Variants in COL4A1 observed in about 807,000 individuals in gnomAD.
The protein encoded by COL4A1 is collagen alpha-1(IV) chain.
In COL4A1, 40 loss-of-function variants were observed where a neutral mutation model predicts 216.6. The observed-to-expected ratio is 0.18, with a 90% CI of 0.14 to 0.24. The LOEUF is 0.24. Ranked by LOEUF, COL4A1 falls within the 10% of genes least tolerant of loss-of-function variation. COL4A1 has a pLI of 1.00. For missense variants in COL4A1, 1,628 were observed against 2,196.8 expected, an observed-to-expected ratio of 0.74 and a Z score of 5.18; for synonymous variants, 839 against 810.7, an observed-to-expected ratio of 1.03 and a Z score of -0.59.
intron 1 of COL4A1, among the ~76,000 whole-genome samples, chr13:110,260,535 C>G (rs770704071): frequency 2.6e-5 from 4 of 152,180 alleles, no homozygotes; most frequent in Admixed American, 6.5e-5. Flanking sequence ...CCAAGTGTCA[C>G]CACGGCAAGG....
chr13:110,218,476 C>T (rs910355705), intron 2 of COL4A1, among the ~76,000 whole-genome samples: 1 of 152,176 alleles, frequency 6.6e-6, no homozygotes, highest in East Asian at 1.9e-4. Flanking sequence ...AGGGAAACTG[C>T]AATTCCTTCT....
chr13:110,171,883 G>A (rs1013764853), intron 41 of COL4A1, among the ~76,000 whole-genome samples: 3 of 152,244 alleles, frequency 2.0e-5, no homozygotes, highest in African/African-American at 7.2e-5. Context: ...GGAGAGGGAA[G>A]TGTCCATTCC....
chr13:110,221,478 T>C (rs1880475611), intron 2 of COL4A1, among the ~76,000 whole-genome samples: 1 of 152,108 alleles, frequency 6.6e-6, no homozygotes, highest in African/African-American at 2.4e-5. Flanking sequence ...AAACAAACCA[T>C]CTGACGTCCC....
intron 1 of COL4A1, among the ~76,000 whole-genome samples, chr13:110,302,355 TG>T (rs146511675): frequency 0.064 from 9,796 of 152,068 alleles, 348 homozygotes; most frequent in Middle Eastern, 0.088. Context: ...AGGCGTCGCG[TG>T]GAAATGTGAA....
chr13:110,250,350 G>T (rs1016879840), intron 1 of COL4A1, among the ~76,000 whole-genome samples: 1 of 152,178 alleles, frequency 6.6e-6, no homozygotes, highest in Non-Finnish European at 1.5e-5. Flanking sequence ...AGTTTGCAGG[G>T]CAGAAAGGCT....
intron 18 of COL4A1, among the ~76,000 whole-genome samples, chr13:110,201,840 G>T (rs1391262266): frequency 1.3e-5 from 2 of 152,126 alleles, no homozygotes; most frequent in South Asian, 4.1e-4. Context: ...AAATTAGTCG[G>T]GCGTGGTGGC....
chr13:110,159,471 G>A (rs989860119), intron 49 of COL4A1, among the ~76,000 whole-genome samples: 1 of 152,204 alleles, frequency 6.6e-6, no homozygotes, highest in Non-Finnish European at 1.5e-5. Context: ...TGGTGAGGAC[G>A]TGGAGCAACT....
At chr13:110,229,084 G>A (rs1445299836) in intron 2 of COL4A1, among the ~76,000 whole-genome samples, 1 of 151,716 alleles carries the variant, frequency 6.6e-6, no homozygotes, top group African/African-American at 2.4e-5. Flanking sequence ...ATACTGCAGA[G>A]TCACCGCTCC....
intron 47 of COL4A1, 138 bp downstream of exon 47, chr13:110,163,325 T>C (rs1225369191): frequency 1.6e-5 from 12 of 760,978 alleles, no homozygotes; most frequent in Non-Finnish European, 2.8e-5. Context: ...TTCTATTTCT[T>C]CTAAGAAACA....
chr13:110,195,091 G>A lies in COL4A1; in HGVS notation c.1313C>T (p.Pro438Leu). Residue 438 changes from proline (P) to leucine (L), a missense_variant, in exon 22 of 52, where the codon CCT becomes CTT. Around this residue, in one of 8 missense-constraint regions of COL4A1, gnomAD observed 701 missense variants for 892.5 expected, o/e 0.79. Coordinates refer to ENST00000375820, the MANE Select transcript of COL4A1 (RefSeq NM_001845.6). ...TCCAGGAGGACCCTGGTCACCTGGA[G>A]GTCCGGGCTGACATTCCACAATTCC... is the stretch of plus-strand genomic sequence containing the variant. ...TNGIVECQPG[P>L]PGDQGPPGIP... The A allele has an allele frequency of 6.2e-7, 1 of 1,614,182 alleles. No individual in the cohort carries two copies. The highest frequency in any genetic ancestry group is 8.5e-7 in the Non-Finnish European group (1 of 1,180,022).
In COL4A1 at chr13:110,149,388, T is replaced by G. The variant is rs28362515; in HGVS notation, c.*975A>C. On this transcript the variant is annotated 3_prime_UTR_variant, in exon 52 of 52. Coordinates refer to ENST00000375820, the MANE Select transcript of COL4A1 (RefSeq NM_001845.6). ...ATGACGGCCTTTAAGGTTGTTGCTT[T>G]TGAAGTCAAGTCATTCAGTTTGTGA... 496 of 154,772 alleles carry G rather than the reference T, an allele frequency of 3.2e-3. 10 individuals carry two copies. The East Asian group carries it at 0.054, about 17-fold the overall frequency. The allele number at this position is 154,772 out of a possible 1,614,324, so 9.6% of individuals were successfully genotyped here.
At chr13:110,212,540 C>A (rs993972332) in intron 5 of COL4A1, 34 bp downstream of exon 5, 1 of 1,614,028 alleles carries the variant, frequency 6.2e-7, no homozygotes, top group Non-Finnish European at 8.5e-7. Flanking sequence ...AAGAATATTT[C>A]ATAAAAGAAG....
chr13:110,212,354 C>T, intron 6 of COL4A1, 63 bp downstream of exon 6: 1 of 1,584,260 alleles, frequency 6.3e-7, no homozygotes, highest in Non-Finnish European at 8.7e-7. Flanking sequence ...CACTACCTGA[C>T]TCCTTAATAT....
At chr13:110,257,461 G>A (rs541401961) in intron 1 of COL4A1, among the ~76,000 whole-genome samples, 2 of 152,286 alleles carry the variant, frequency 1.3e-5, no homozygotes, top group African/African-American at 4.8e-5. Context: ...ACTTCCAAAG[G>A]ACCTACCTAA....
In COL4A1 at chr13:110,165,057, A is replaced by G; in HGVS notation, c.4022-67T>C. ...ATACTGGGGCGGAAACAACTTTAGA[A>G]GGAGAATCCCGGGTGAAGCTATCCA... On this transcript the variant is annotated intron_variant, in intron 45 of 51. Coordinates refer to ENST00000375820, the MANE Select transcript of COL4A1 (RefSeq NM_001845.6). 1.9e-6 allele frequency: 3 copies of G among 1,568,966 alleles called. No homozygotes were observed. The South Asian group carries it at 3.5e-5, about 18-fold the overall frequency.
chr13:110,202,917 A>T (rs1281154391), intron 18 of COL4A1, among the ~76,000 whole-genome samples: 1 of 152,194 alleles, frequency 6.6e-6, no homozygotes, highest in African/African-American at 2.4e-5. Flanking sequence ...ACGTTTTTTT[A>T]AAAAAGGTGT....
rs1878044806 is a variant in COL4A1 at position 110,179,372 on chromosome 13, G to A, written c.2243C>T (p.Pro748Leu). ...LPGLKGLPGL[P>L]GIPGTPGEKG... ...CTCCCCGGGTGTGCCAGGAATGCCG[G>A]GAAGACCTGGCAAACCTTTGAGTCC... Residue 748 changes from proline to leucine, a missense_variant, in exon 30 of 52, where the codon CCC becomes CTC. This residue lies in a region of COL4A1 where 701 missense variants were observed against 892.5 expected (regional missense o/e 0.79). Coordinates refer to ENST00000375820, the MANE Select transcript of COL4A1 (RefSeq NM_001845.6). 1 of 1,613,968 alleles carries A rather than the reference G, an allele frequency of 6.2e-7. No individual in the cohort carries two copies. The highest frequency in any genetic ancestry group is 1.3e-5 in the African/African-American group (1 of 74,874).
At chr13:110,222,838 A>G (rs1880569426) in intron 2 of COL4A1, among the ~76,000 whole-genome samples, 1 of 151,344 alleles carries the variant, frequency 6.6e-6, no homozygotes, top group Non-Finnish European at 1.5e-5. Context: ...GTAGTAATAT[A>G]TTACTATTAA....
At chr13:110,266,982 C>T (rs1017541858) in intron 1 of COL4A1, among the ~76,000 whole-genome samples, 2 of 152,018 alleles carry the variant, frequency 1.3e-5, no homozygotes, top group African/African-American at 4.8e-5. Context: ...GAAAGGAATC[C>T]AAAAACTTAA....
Sources: gnomAD v4.1 joint callset for allele counts (sites outside exome capture counted in the v4.1 genomes callset) on GRCh38, gnomAD v4.1.1 for gene constraint, gnomAD v4.1.1 regional missense constraint, MANE v1.5 for transcripts, NCBI Gene and HGNC (gene_info 2026-07-23, HGNC 2026-07-21) for gene names.